PARD3B: variants seen among roughly 807,000 people sequenced by gnomAD.
PARD3B encodes the protein partitioning defective 3 homolog B.
PARD3B carries 103 observed loss-of-function variants against 130.2 expected under a neutral mutation model. The ratio of observed to expected loss-of-function variants is 0.79; its 90% CI spans 0.67 to 0.93. PARD3B has a LOEUF of 0.93. Ranked by LOEUF, PARD3B falls within the 40% of genes least tolerant of loss-of-function variation. The pLI, the probability that PARD3B is intolerant of heterozygous loss-of-function variation, is 0.00. For synonymous variants in PARD3B, 583 were observed against 553.2 expected, an observed-to-expected ratio of 1.05 and a Z score of -0.76; for missense variants, 1,609 against 1,499.2, an observed-to-expected ratio of 1.07 and a Z score of -1.21.
At chr2:205,454,802 C>G (rs957443060) in intron 20 of PARD3B, among the ~76,000 whole-genome samples, 1 of 151,990 alleles carries the variant, frequency 6.6e-6, no homozygotes, top group East Asian at 1.9e-4. Context: ...AAAAACCAAG[C>G]CCCAAAAATG....
At chr2:204,870,961 CAT>C (rs1414557125) in intron 2 of PARD3B, among the ~76,000 whole-genome samples, 3 of 152,048 alleles carry the variant, frequency 2.0e-5, no homozygotes, top group African/African-American at 7.2e-5. Context: ...ATTTTTAAAA[CAT>C]AATAAAAGAT....
intron 10 of PARD3B, among the ~76,000 whole-genome samples, chr2:205,149,862 A>G (rs958383690): frequency 1.3e-5 from 2 of 152,312 alleles, no homozygotes; most frequent in African/African-American, 4.8e-5. Flanking sequence ...TTTAATTGTC[A>G]CAGCTTGGGG....
At chr2:204,706,845 C>G (rs1047670173) in intron 2 of PARD3B, among the ~76,000 whole-genome samples, 10 of 152,092 alleles carry the variant, frequency 6.6e-5, no homozygotes, top group Admixed American at 2.6e-4. Context: ...TAATATTTTT[C>G]TAGCAAAACA....
intron 4 of PARD3B, among the ~76,000 whole-genome samples, chr2:205,060,226 GTCATT>G (rs1244995730): frequency 1.3e-5 from 2 of 151,980 alleles, no homozygotes; most frequent in Non-Finnish European, 2.9e-5. Context: ...CCTAAAAAAA[GTCATT>G]TCATCATTTT....
chr2:205,516,666 G>A (rs2050802201), intron 21 of PARD3B, among the ~76,000 whole-genome samples: 1 of 152,102 alleles, frequency 6.6e-6, no homozygotes, highest in Non-Finnish European at 1.5e-5. Flanking sequence ...AGGAGCTTTT[G>A]GGTTGAGACT....
chr2:205,317,680 T>C (rs2105953408), intron 18 of PARD3B, among the ~76,000 whole-genome samples: 1 of 152,290 alleles, frequency 6.6e-6, no homozygotes. Context: ...TACATGCCAG[T>C]GTATATAGTC....
At chr2:204,736,262 T>G (rs2039745216) in intron 2 of PARD3B, among the ~76,000 whole-genome samples, 1 of 152,160 alleles carries the variant, frequency 6.6e-6, no homozygotes, top group South Asian at 2.1e-4. Flanking sequence ...TGTAAAACGT[T>G]TTTATTTTTT....
chr2:204,661,258 A>G (rs2035798469), intron 1 of PARD3B, among the ~76,000 whole-genome samples: 1 of 152,332 alleles, frequency 6.6e-6, no homozygotes. Context: ...TGACATTCAC[A>G]GTAAAGGTGA....
chr2:204,619,989 C>T (rs2034241542), intron 1 of PARD3B, among the ~76,000 whole-genome samples: 2 of 152,108 alleles, frequency 1.3e-5, no homozygotes, highest in Non-Finnish European at 2.9e-5. Flanking sequence ...AGAATACTTA[C>T]TGACTCATGC....
chr2:204,833,739 A>T (rs1027201193), intron 2 of PARD3B, among the ~76,000 whole-genome samples: 2 of 152,116 alleles, frequency 1.3e-5, no homozygotes, highest in Non-Finnish European at 2.9e-5. Flanking sequence ...GCCACGTGGA[A>T]CTGTGAGTCC....
At chr2:205,565,432 A>G (rs1228083266) in intron 22 of PARD3B, among the ~76,000 whole-genome samples, 2 of 152,144 alleles carry the variant, frequency 1.3e-5, no homozygotes, top group Non-Finnish European at 2.9e-5. Flanking sequence ...GCTTTGTCCA[A>G]CATCAAAATC....
chr2:204,916,390 G>A (rs1045452522), intron 2 of PARD3B, among the ~76,000 whole-genome samples: 1 of 151,964 alleles, frequency 6.6e-6, no homozygotes, highest in African/African-American at 2.4e-5. Context: ...ATTTTGTGTT[G>A]TATTAACAAA....
At position 205,142,881 on chromosome 2, in the gene PARD3B, A is replaced by AAACTAAAT. The variant is rs1553623710; in HGVS notation, c.1435-15839_1435-15838insCTAAATAA. On this transcript the variant is annotated intron_variant, in intron 10 of 22. Transcript: ENST00000406610. The surrounding 1 kb of genome is among the most constrained non-coding windows in gnomAD (Gnocchi z 4.3). ...TGACAGGATGAGACTTCGGTCTCAAAAAATAAATAAATAAATAAATAAATA... is the reference window on the plus strand; with the variant it reads ...TGACAGGATGAGACTTCGGTCTCAAAAACTAAATAAATAAATAAATAAATAAATAAATA... 6.8e-6 allele frequency among the ~76,000 whole-genome samples: 1 copy of AAACTAAAT among 146,638 alleles called. No individual in the cohort carries two copies. Among genetic ancestry groups the AAACTAAAT allele is most frequent in the African/African-American group, 2.5e-5 (1 of 39,698 alleles).
At chr2:205,262,543 G>A (rs770062404) in intron 16 of PARD3B, among the ~76,000 whole-genome samples, 6 of 152,050 alleles carry the variant, frequency 3.9e-5, no homozygotes, top group Non-Finnish European at 7.4e-5. Flanking sequence ...GGCAGAGGGG[G>A]CAGATTACAA....
chr2:205,104,803 A>G (rs1452785030), intron 5 of PARD3B, among the ~76,000 whole-genome samples: 1 of 152,156 alleles, frequency 6.6e-6, no homozygotes, highest in African/African-American at 2.4e-5. Flanking sequence ...TCAAATGAAC[A>G]TTTCAGAGGT....
chr2:205,177,177 A>C (rs1292385778), intron 13 of PARD3B, among the ~76,000 whole-genome samples: 3 of 152,166 alleles, frequency 2.0e-5, no homozygotes, highest in African/African-American at 7.2e-5. Context: ...AATATACTTC[A>C]GGTCACCAAG....
intron 3 of PARD3B, among the ~76,000 whole-genome samples, chr2:205,041,307 A>C (rs1038260985): frequency 6.6e-6 from 1 of 152,216 alleles, no homozygotes; most frequent in Non-Finnish European, 1.5e-5. Flanking sequence ...TAATTCTAAC[A>C]GTCAGTGGGC....
intron 11 of PARD3B, among the ~76,000 whole-genome samples, chr2:205,171,466 T>C (rs1273748657): frequency 6.6e-6 from 1 of 152,242 alleles, no homozygotes; most frequent in Non-Finnish European, 1.5e-5. Context: ...GACCACAGTC[T>C]GGGCTGTGTA....
intron 2 of PARD3B, among the ~76,000 whole-genome samples, chr2:204,859,403 A>G (rs530779223): frequency 2.9e-4 from 44 of 152,308 alleles, no homozygotes; most frequent in African/African-American, 9.4e-4. Flanking sequence ...CTACAAAGCT[A>G]AAAGATGTAA....
Sources: allele counts gnomAD v4.1 joint callset (sites outside exome capture counted in the v4.1 genomes callset), GRCh38; gene constraint gnomAD v4.1.1; non-coding constraint Gnocchi (gnomAD v3.1); transcripts MANE v1.5; gene names NCBI Gene and HGNC (gene_info 2026-07-23, HGNC 2026-07-21).